The following APTX variants were observed in gnomAD, a reference collection of about 807,000 sequenced individuals.
APTX encodes aprataxin.
A neutral mutation model predicts 42.3 loss-of-function variants in APTX; 33 were observed. The observed-to-expected ratio is 0.78, with a 90% CI of 0.59 to 1.04. The LOEUF (loss-of-function observed/expected upper bound fraction) is 1.04. Ranked by LOEUF, APTX falls within the 50% of genes least tolerant of loss-of-function variation. APTX has a pLI of 0.00. For synonymous variants in APTX, 130 were observed against 146.7 expected, an observed-to-expected ratio of 0.89 and a Z score of 0.82; for missense variants, 421 against 415.1, an observed-to-expected ratio of 1.01 and a Z score of -0.12.
chr9:33,023,170 C>T (rs986293901), intron 1 of APTX, among the ~76,000 whole-genome samples: 3 of 151,738 alleles, frequency 2.0e-5, no homozygotes, highest in Non-Finnish European at 4.4e-5. Context: ...CTGTTTGTTT[C>T]TGGTTCCCTA....
At chr9:33,012,922 A>G (rs918569563) in intron 1 of APTX, among the ~76,000 whole-genome samples, 2 of 152,172 alleles carry the variant, frequency 1.3e-5, no homozygotes. Flanking sequence ...TCCTAATAGA[A>G]GAGTTGCCTT....
intron 1 of APTX, among the ~76,000 whole-genome samples, chr9:32,994,734 C>T (rs1415675020): frequency 6.6e-6 from 1 of 152,166 alleles, no homozygotes; most frequent in African/African-American, 2.4e-5. Flanking sequence ...ATCTTTGATG[C>T]TACTGGAAGA....
intron 2 of APTX, 119 bp downstream of exon 2, chr9:32,989,640 C>T (rs1833074965): frequency 6.7e-7 from 1 of 1,493,934 alleles, no homozygotes; most frequent in Admixed American, 1.7e-5. Context: ...AGCTCAGTTC[C>T]TGAGCTGTAT....
In APTX at chr9:32,972,749, T is replaced by A. The variant is rs1369643726; in HGVS notation, c.*749A>T. 4 of 454,106 alleles carry A rather than the reference T, an allele frequency of 8.8e-6. No homozygotes were observed. Among genetic ancestry groups the A allele is most frequent in the Non-Finnish European group, 1.8e-5 (4 of 226,802 alleles). The allele number at this position is 454,106 out of a possible 1,614,324, so 28.1% of individuals were successfully genotyped here. ...CTGAACTTCAATAGTTTCCACCTAC[T>A]TAAGAGAGATGCCTCAAACAAATTA... On this transcript the variant is annotated 3_prime_UTR_variant, in exon 8 of 8. Transcript: ENST00000379817.
intron 1 of APTX, chr9:33,016,133 A>T (rs1385606449): frequency 2.0e-5 from 3 of 152,216 alleles, no homozygotes; most frequent in Non-Finnish European, 4.4e-5. Flanking sequence ...CATTTTGTTC[A>T]GTCTCATATC....
Position 32,973,553 on chromosome 9 carries a change from A to C in APTX, c.974T>G (p.Leu325Arg). ...LPLRCHECQQLLPSIPQLKEH... is the reference protein window; with the variant it reads ...LPLRCHECQQRLPSIPQLKEH... Reference sequence around the variant, plus strand: ...TTTCAGCTGAGGAATGGAAGGCAGCAGCTGCTGGCACTCATGACAACGAAG... The same window carrying C: ...TTTCAGCTGAGGAATGGAAGGCAGCCGCTGCTGGCACTCATGACAACGAAG... The change falls in exon 8 of 8, where the codon CTG becomes CGG. Residue 325 changes from leucine (L) to arginine (R), a missense_variant. By Grantham distance (102) the Leu-to-Arg change is moderately radical. Coordinates refer to ENST00000379817, the MANE Select transcript of APTX (RefSeq NM_001195248.2). 6.2e-7 allele frequency: 1 copy of C among 1,614,160 alleles called. No homozygotes were observed. The highest frequency in any genetic ancestry group is 8.5e-7 in the Non-Finnish European group (1 of 1,180,030).
At chr9:32,974,711 T>C (rs556251233) in intron 6 of APTX, 150 bp from the exon 7 acceptor site, 18 of 642,532 alleles carry the variant, frequency 2.8e-5, no homozygotes, top group African/African-American at 2.4e-4. Context: ...TCCATTTAAT[T>C]CAATTGATTC....
chr9:33,018,570 GA>G (rs74178841), intron 1 of APTX, among the ~76,000 whole-genome samples: 47,558 of 114,608 alleles, frequency 0.41, 9,042 homozygotes, highest in Non-Finnish European at 0.44. Flanking sequence ...CTTCGTCTCA[GA>G]AAAAAAAAAA....
At chr9:33,018,580 A>G (rs1291961282) in intron 1 of APTX, among the ~76,000 whole-genome samples, 1 of 150,446 alleles carries the variant, frequency 6.6e-6, no homozygotes, top group African/African-American at 2.4e-5. Context: ...GAAAAAAAAA[A>G]AAAAAAAAGA....
intron 1 of APTX, among the ~76,000 whole-genome samples, chr9:33,023,849 G>C (rs1402835903): frequency 6.6e-6 from 1 of 152,218 alleles, no homozygotes; most frequent in Non-Finnish European, 1.5e-5. Context: ...AACAGACAAA[G>C]GCATGCCCTA....
intron 1 of APTX, among the ~76,000 whole-genome samples, chr9:33,009,133 G>A (rs1411237852): frequency 3.3e-5 from 5 of 152,110 alleles, no homozygotes. Flanking sequence ...AAGAGTTTAG[G>A]AGATGATTAC....
upstream of APTX, chr9:33,001,630 C>A (rs377397401): frequency 3.2e-5 from 51 of 1,613,394 alleles, no homozygotes; most frequent in African/African-American, 5.2e-4. Flanking sequence ...TCCGGCGCTG[C>A]GGGATGACGT....
At chr9:32,986,062 A>AG in intron 4 of APTX, 32 bp from the exon 5 acceptor site, 1 of 1,456,562 alleles carries the variant, frequency 6.9e-7, no homozygotes, top group Non-Finnish European at 9.4e-7. Context: ...AAACAAAAAA[A>AG]AAAAAAAACA....
intron 1 of APTX, among the ~76,000 whole-genome samples, chr9:33,008,187 G>A (rs1057123944): frequency 4.6e-5 from 7 of 151,702 alleles, no homozygotes; most frequent in African/African-American, 1.7e-4. Context: ...AGGCCTATGA[G>A]GAGCTTGGTG....
At chr9:33,020,276 C>T (rs774201790) in intron 1 of APTX, 4 of 163,270 alleles carry the variant, frequency 2.4e-5, no homozygotes, top group Non-Finnish European at 5.3e-5. Flanking sequence ...GGCTCCCTAC[C>T]CCAGGAAGGG....
At chr9:32,998,713 C>T (rs1343248793) in intron 1 of APTX, among the ~76,000 whole-genome samples, 1 of 151,128 alleles carries the variant, frequency 6.6e-6, no homozygotes, top group Non-Finnish European at 1.5e-5. Context: ...CACACTGGGG[C>T]GTGTCAGGGG....
chr9:32,994,502 T>C (rs2183870), intron 1 of APTX, among the ~76,000 whole-genome samples: 3 of 152,076 alleles, frequency 2.0e-5, no homozygotes, highest in East Asian at 3.9e-4. Context: ...CATACTGGCA[T>C]ACCTGCTTTG....
intron 4 of APTX, among the ~76,000 whole-genome samples, chr9:32,986,894 C>T (rs373679937): frequency 2.0e-5 from 3 of 152,056 alleles, no homozygotes; most frequent in Non-Finnish European, 2.9e-5. Context: ...CTGCAACCTC[C>T]GCCTTCCAGG....
At chr9:33,013,614 G>A (rs1371371761) in intron 1 of APTX, among the ~76,000 whole-genome samples, 2 of 152,110 alleles carry the variant, frequency 1.3e-5, no homozygotes, top group African/African-American at 2.4e-5. Flanking sequence ...AGACCATCCT[G>A]GCTAACACGG....
Sources: allele counts gnomAD v4.1 joint callset (sites outside exome capture counted in the v4.1 genomes callset), GRCh38; gene constraint gnomAD v4.1.1; transcripts MANE v1.5; gene names NCBI Gene and HGNC (gene_info 2026-07-23, HGNC 2026-07-21).